Variants in ZNF362 observed in about 807,000 individuals in gnomAD.
ZNF362 encodes the protein rotund homolog.
Under a neutral mutation model 42.9 loss-of-function variants are expected in ZNF362, and 11 were observed. The ratio of observed to expected loss-of-function variants is 0.26; its 90% CI spans 0.16 to 0.42. The LOEUF is 0.42. ZNF362 is among the 20% of genes least tolerant of loss of function. ZNF362 has a pLI of 1.00. For synonymous variants in ZNF362, 255 were observed against 257.3 expected, an observed-to-expected ratio of 0.99 and a Z score of 0.09; for missense variants, 362 against 576.2, an observed-to-expected ratio of 0.63 and a Z score of 3.81.
At chr1:33,289,200 C>T (rs368543634) in intron 6 of ZNF362, among the ~76,000 whole-genome samples, 4 of 152,154 alleles carry the variant, frequency 2.6e-5, no homozygotes, top group Non-Finnish European at 5.9e-5. Context: ...TGAGCAAAGG[C>T]TCGAGGCCCG....
the ZNF362 span, among the ~76,000 whole-genome samples, chr1:33,185,220 G>A: frequency 2.0e-5 from 3 of 151,456 alleles, no homozygotes; most frequent in Non-Finnish European, 4.4e-5. Context: ...GAAAGTCACA[G>A]ACTCTTTTTT....
the ZNF362 span, among the ~76,000 whole-genome samples, chr1:33,219,304 AC>A: frequency 8.5e-5 from 13 of 152,196 alleles, no homozygotes; most frequent in Non-Finnish European, 1.5e-4. Flanking sequence ...GTGTGAGCCC[AC>A]AGTGGGCCTG....
chr1:33,268,176 A>G (rs1215851912), intron 1 of ZNF362, among the ~76,000 whole-genome samples: 2 of 152,166 alleles, frequency 1.3e-5, no homozygotes, highest in Non-Finnish European at 2.9e-5. Flanking sequence ...TTCTTGGGTC[A>G]ATTAGGAAGA....
chr1:33,215,807 T>A, the ZNF362 span, among the ~76,000 whole-genome samples: 1 of 151,960 alleles, frequency 6.6e-6, no homozygotes, highest in African/African-American at 2.4e-5. Context: ...AATATGCTGA[T>A]GCTTGTAATG....
At chr1:33,194,532 C>CAAA in the ZNF362 span, among the ~76,000 whole-genome samples, 16,947 of 103,244 alleles carry the variant, frequency 0.16, 1,602 homozygotes, top group South Asian at 0.23. Flanking sequence ...GACCCTGTCT[C>CAAA]AAAAAAAAAA....
chr1:33,174,945 GTA>G, the ZNF362 span, among the ~76,000 whole-genome samples: 25,506 of 141,542 alleles, frequency 0.18, 2,556 homozygotes, highest in Middle Eastern at 0.23. Flanking sequence ...ATATATGTGT[GTA>G]TATATATATA....
upstream of ZNF362, among the ~76,000 whole-genome samples, chr1:33,254,030 G>T (rs973880858): frequency 6.6e-6 from 1 of 151,724 alleles, no homozygotes; most frequent in Non-Finnish European, 1.5e-5. Flanking sequence ...TATAATTCTT[G>T]GTAGATACTT....
the ZNF362 span, chr1:33,147,377 G>T: frequency 6.2e-7 from 1 of 1,614,148 alleles, no homozygotes; most frequent in East Asian, 2.2e-5. This position sits in a 1 kb window ranked among gnomAD's most constrained non-coding sequence, Gnocchi z 8.1. Context: ...AGCTTGTCCC[G>T]GACGTTAAGC....
At chr1:33,285,502 T>A (rs7526544) in intron 6 of ZNF362, among the ~76,000 whole-genome samples, 69,427 of 152,050 alleles carry the variant, frequency 0.46, 16,164 homozygotes, top group South Asian at 0.56. Context: ...ACTAATTGTT[T>A]AGGGCATTCT....
the ZNF362 span, among the ~76,000 whole-genome samples, chr1:33,186,218 A>G: frequency 6.6e-6 from 1 of 152,148 alleles, no homozygotes. Context: ...TTCTTGTCTC[A>G]GCTGTCATAG....
At chr1:33,261,848 C>T (rs1645829899) in intron 1 of ZNF362, among the ~76,000 whole-genome samples, 1 of 152,222 alleles carries the variant, frequency 6.6e-6, no homozygotes, top group African/African-American at 2.4e-5. Flanking sequence ...GTCTGCTACC[C>T]AGAGGCCAAC....
chr1:33,256,127 C>CCGGCG (rs1176334099), upstream of ZNF362, among the ~76,000 whole-genome samples: 1 of 150,648 alleles, frequency 6.6e-6, no homozygotes, highest in Non-Finnish European at 1.5e-5. Flanking sequence ...GGCTCTGCCT[C>CCGGCG]CGGCGCGGCG....
chr1:33,254,745 G>A (rs1438443681), upstream of ZNF362, among the ~76,000 whole-genome samples: 1 of 151,948 alleles, frequency 6.6e-6, no homozygotes, highest in Non-Finnish European at 1.5e-5. Context: ...TCCATATTGT[G>A]CGCTTGGGGA....
chr1:33,136,491 A>AGCTGGGACTCATG, the ZNF362 span, among the ~76,000 whole-genome samples: 1 of 151,532 alleles, frequency 6.6e-6, no homozygotes, highest in African/African-American at 2.4e-5. Context: ...GCCTCAGCCT[A>AGCTGGGACTCATG]CCGAGTAGCT....
chr1:33,172,798 G>A, the ZNF362 span, among the ~76,000 whole-genome samples: 1 of 152,290 alleles, frequency 6.6e-6, no homozygotes, highest in South Asian at 2.1e-4. Flanking sequence ...TGGTCCAGGG[G>A]ACAAAGCAGC....
the ZNF362 span, among the ~76,000 whole-genome samples, chr1:33,156,901 T>C: frequency 6.6e-6 from 1 of 152,100 alleles, no homozygotes; most frequent in Non-Finnish European, 1.5e-5. Flanking sequence ...TTGGCTGTCC[T>C]TACAAAATAT....
chr1:33,269,587 A>G (rs1292977624), intron 1 of ZNF362, among the ~76,000 whole-genome samples: 1 of 151,942 alleles, frequency 6.6e-6, no homozygotes, highest in East Asian at 1.9e-4. Context: ...CCCAGGCTGG[A>G]GTGTAGTGGT....
the ZNF362 span, among the ~76,000 whole-genome samples, chr1:33,156,078 C>T: frequency 2.0e-5 from 3 of 152,214 alleles, no homozygotes; most frequent in African/African-American, 7.2e-5. Context: ...ACTGTCTGGG[C>T]TCCCAGCAGA....
At chr1:33,162,613 C>T in the ZNF362 span, among the ~76,000 whole-genome samples, 1 of 152,146 alleles carries the variant, frequency 6.6e-6, no homozygotes, top group Non-Finnish European at 1.5e-5. Flanking sequence ...TGAGATTGCT[C>T]CGTAGAGCTG....
Sources: allele counts gnomAD v4.1 joint callset (sites outside exome capture counted in the v4.1 genomes callset), GRCh38; gene constraint gnomAD v4.1.1; non-coding constraint Gnocchi (gnomAD v3.1); transcripts MANE v1.5; gene names NCBI Gene and HGNC (gene_info 2026-07-23, HGNC 2026-07-21).